The following IL1RAPL1 variants were observed in gnomAD, a reference collection of about 807,000 sequenced individuals.
IL1RAPL1 encodes interleukin-1 receptor accessory protein-like 1.
IL1RAPL1 carries 3 observed loss-of-function variants against 48.4 expected under a neutral mutation model. That is an observed-to-expected ratio of 0.06 (90% CI 0.03 to 0.16). IL1RAPL1 has a LOEUF of 0.16. IL1RAPL1 is among the 10% of genes least tolerant of loss of function. The pLI is 1.00. For synonymous variants in IL1RAPL1, 185 were observed against 187.7 expected (o/e 0.99, Z 0.12); for missense variants, 349 against 530.6 (o/e 0.66, Z 3.36).
chrX:29,494,492 T>A (rs1278797960), intron 5 of IL1RAPL1, among the ~76,000 whole-genome samples: 2 of 112,032 alleles, frequency 1.8e-5, no homozygotes, highest in Admixed American at 1.9e-4. Flanking sequence ...ATCAGTCCTT[T>A]GTATATAGTT....
chrX:29,502,128 C>G (rs1235152018), intron 5 of IL1RAPL1, among the ~76,000 whole-genome samples: 1 of 110,709 alleles, frequency 9.0e-6, no homozygotes, highest in Non-Finnish European at 1.9e-5. Context: ...TTTGAGATTG[C>G]TTGCTGTTGG....
chrX:28,674,175 TATATC>T (rs1347619891), intron 1 of IL1RAPL1, among the ~76,000 whole-genome samples: 1 of 111,677 alleles, frequency 9.0e-6, no homozygotes, highest in African/African-American at 3.2e-5. Context: ...ATAGTCAGCT[TATATC>T]ATATTTTATC....
chrX:28,926,505 A>G (rs768868780), intron 2 of IL1RAPL1, among the ~76,000 whole-genome samples: 118 of 111,596 alleles, frequency 1.1e-3, no homozygotes, highest in African/African-American at 3.7e-3. Context: ...ACAAGGAAAA[A>G]AAAAACATAT....
intron 5 of IL1RAPL1, among the ~76,000 whole-genome samples, chrX:29,419,819 C>T (rs951200594): frequency 2.7e-5 from 3 of 111,287 alleles, no homozygotes; most frequent in Non-Finnish European, 5.6e-5. Context: ...ATATGTATTT[C>T]TGTACTTTGG....
chrX:29,779,542 C>T (rs1433732647), intron 6 of IL1RAPL1, among the ~76,000 whole-genome samples: 2 of 110,904 alleles, frequency 1.8e-5, no homozygotes, highest in Non-Finnish European at 3.8e-5. Context: ...ACCCAACTCC[C>T]GTGACACGCA....
chrX:29,059,552 A>G (rs1927296745), intron 2 of IL1RAPL1, among the ~76,000 whole-genome samples: 1 of 111,780 alleles, frequency 8.9e-6, no homozygotes, highest in African/African-American at 3.2e-5. Flanking sequence ...TGCTGAGCAA[A>G]CATTTTTGGG....
chrX:28,729,003 C>T (rs1935718768), intron 1 of IL1RAPL1, among the ~76,000 whole-genome samples: 1 of 111,885 alleles, frequency 8.9e-6, no homozygotes, highest in South Asian at 3.7e-4. Context: ...TTAAAGGGAA[C>T]TTTACAGCCC....
At chrX:29,377,937 T>G (rs1933644494) in intron 3 of IL1RAPL1, among the ~76,000 whole-genome samples, 1 of 111,432 alleles carries the variant, frequency 9.0e-6, no homozygotes, top group Admixed American at 9.6e-5. Context: ...TTGTGAACTA[T>G]ATCCTCAAAC....
chrX:28,612,737 G>T (rs1027648516), intron 1 of IL1RAPL1, among the ~76,000 whole-genome samples: 1 of 112,092 alleles, frequency 8.9e-6, no homozygotes, highest in Non-Finnish European at 1.9e-5. Context: ...TATGAGCAAA[G>T]TCATAGAGAT....
chrX:29,437,503 A>G (rs1171209537), intron 5 of IL1RAPL1, among the ~76,000 whole-genome samples: 1 of 110,650 alleles, frequency 9.0e-6, no homozygotes, highest in Admixed American at 9.6e-5. Flanking sequence ...TAGGGGGAAA[A>G]CATTCAGACA....
chrX:28,696,914 G>A (rs73547858), intron 1 of IL1RAPL1, among the ~76,000 whole-genome samples: 1,197 of 111,238 alleles, frequency 0.011, 11 homozygotes, highest in African/African-American at 0.037. Flanking sequence ...TTAAATATAT[G>A]TCCTTAAATA....
intron 5 of IL1RAPL1, among the ~76,000 whole-genome samples, chrX:29,510,842 C>T (rs756220847): frequency 8.9e-6 from 1 of 111,874 alleles, no homozygotes; most frequent in South Asian, 3.8e-4. Flanking sequence ...CCTAACAGTA[C>T]ACTCCTGACT....
At chrX:29,605,108 A>G (rs1923848313) in intron 5 of IL1RAPL1, among the ~76,000 whole-genome samples, 1 of 102,595 alleles carries the variant, frequency 9.7e-6, no homozygotes, top group Non-Finnish European at 2.0e-5. Context: ...ACACACACAC[A>G]CACACACACA....
intron 2 of IL1RAPL1, among the ~76,000 whole-genome samples, chrX:29,109,333 A>C (rs1004442132): frequency 2.9e-5 from 3 of 102,388 alleles, no homozygotes; most frequent in Non-Finnish European, 5.9e-5. Flanking sequence ...AAACCCACCT[A>C]TAAAACATGA....
intron 5 of IL1RAPL1, among the ~76,000 whole-genome samples, chrX:29,403,199 A>G (rs909795508): frequency 8.9e-6 from 1 of 112,333 alleles, no homozygotes; most frequent in African/African-American, 3.2e-5. Context: ...TTGTTGCTCT[A>G]TACCAGTTTG....
At chrX:29,411,705 CTT>C (rs35526788) in intron 5 of IL1RAPL1, among the ~76,000 whole-genome samples, 3 of 95,958 alleles carry the variant, frequency 3.1e-5, no homozygotes, top group African/African-American at 3.8e-5. Context: ...GAAACAACTA[CTT>C]TTTTTTTTTT....
At chrX:28,743,091 A>G (rs766017817) in intron 1 of IL1RAPL1, among the ~76,000 whole-genome samples, 1 of 111,506 alleles carries the variant, frequency 9.0e-6, no homozygotes, top group East Asian at 2.8e-4. Flanking sequence ...TTTAACTTTC[A>G]AAATATCACT....
At chrX:29,147,082 T>C (rs1007263975) in intron 2 of IL1RAPL1, among the ~76,000 whole-genome samples, 1 of 112,644 alleles carries the variant, frequency 8.9e-6, no homozygotes, top group Non-Finnish European at 1.9e-5. Context: ...GCACAAGTCT[T>C]AATATGCTTA....
At chrX:29,152,727 T>C (rs1420461694) in intron 2 of IL1RAPL1, among the ~76,000 whole-genome samples, 1 of 112,232 alleles carries the variant, frequency 8.9e-6, no homozygotes, top group East Asian at 2.8e-4. Flanking sequence ...ATTCCAAATA[T>C]GTAACTCTTT....
Sources: gnomAD v4.1 joint callset for allele counts (sites outside exome capture counted in the v4.1 genomes callset) on GRCh38, gnomAD v4.1.1 for gene constraint, MANE v1.5 for transcripts, NCBI Gene and HGNC (gene_info 2026-07-23, HGNC 2026-07-21) for gene names.